PRKCZ: variants seen among roughly 807,000 people sequenced by gnomAD.
The protein encoded by PRKCZ is protein kinase C zeta type.
A neutral mutation model predicts 79.5 loss-of-function variants in PRKCZ; 33 were observed. The observed-to-expected ratio is 0.41, with a 90% CI of 0.31 to 0.55. PRKCZ has a LOEUF of 0.55. PRKCZ is among the 20% of genes least tolerant of loss of function. PRKCZ has a pLI of 0.19. For synonymous variants in PRKCZ, 342 were observed against 320.9 expected, an observed-to-expected ratio of 1.07 and a Z score of -0.70; for missense variants, 578 against 813.5, an observed-to-expected ratio of 0.71 and a Z score of 3.52.
In PRKCZ at chr1:2,135,318, C is replaced by T. The variant is rs1242409778; in HGVS notation, c.391C>T (p.His131Tyr). 1 of 1,613,254 alleles carries T rather than the reference C, an allele frequency of 6.2e-7. No homozygotes were observed. Among genetic ancestry groups the T allele is most frequent in the Non-Finnish European group, 8.5e-7 (1 of 1,179,776 alleles). ...GAGGAAGCTGTACCGTGCCAACGGC[C>T]ACCTCTTCCAAGCCAAGCGCTTTAA... ...RWRKLYRANG[H>Y]LFQAKRFNRR... Residue 131 changes from histidine to tyrosine, a missense_variant, in exon 5 of 18, where the codon CAC (histidine) becomes TAC (tyrosine). By Grantham distance (83) the His-to-Tyr change is moderately conservative. Coordinates refer to ENST00000378567, the MANE Select transcript of PRKCZ (RefSeq NM_002744.6).
At chr1:2,130,933 C>T (rs547586194) in intron 4 of PRKCZ, among the ~76,000 whole-genome samples, 1 of 151,990 alleles carries the variant, frequency 6.6e-6, no homozygotes, top group Non-Finnish European at 1.5e-5. Context: ...GCAGTACTCC[C>T]GCCTGACACA....
At chr1:2,134,419 T>C (rs1675735627) in intron 4 of PRKCZ, among the ~76,000 whole-genome samples, 1 of 152,214 alleles carries the variant, frequency 6.6e-6, no homozygotes, top group Admixed American at 6.5e-5. Flanking sequence ...AGCTTCCCAT[T>C]GTACGTTCCG....
chr1:2,124,623 G>T (rs2102923398), intron 4 of PRKCZ, among the ~76,000 whole-genome samples: 1 of 152,292 alleles, frequency 6.6e-6, no homozygotes, highest in South Asian at 2.1e-4. Flanking sequence ...GTCAATGCCT[G>T]TCACTTAAGC....
rs1044194106 is a variant in PRKCZ at position 2,148,931 on chromosome 1, G to T, written c.687+7G>T. On this transcript the variant is annotated splice_region_variant and intron_variant, in intron 8 of 17. Transcript: ENST00000378567. ...CATTAAAGACGACTCGGAGGTGAGT[G>T]TGTGGAGCAGCTCGCTGCCATTTCC... 2 of 1,613,424 alleles carry T rather than the reference G, an allele frequency of 1.2e-6. No homozygotes were observed. The highest frequency in any genetic ancestry group is 1.7e-6 in the Non-Finnish European group (2 of 1,179,500).
intron 5 of PRKCZ, among the ~76,000 whole-genome samples, chr1:2,138,226 C>T (rs1168731326): frequency 6.6e-6 from 1 of 152,186 alleles, no homozygotes; most frequent in Non-Finnish European, 1.5e-5. Context: ...CTTTTCCGTC[C>T]TCTTTGTTGG....
At chr1:2,106,193 C>A (rs181105341) in intron 4 of PRKCZ, among the ~76,000 whole-genome samples, 1 of 152,204 alleles carries the variant, frequency 6.6e-6, no homozygotes, top group Admixed American at 6.5e-5. Flanking sequence ...AGGACAGGGC[C>A]GGACCCAGAG....
At chr1:2,089,733 G>A (rs1665158367) in intron 4 of PRKCZ, among the ~76,000 whole-genome samples, 1 of 152,174 alleles carries the variant, frequency 6.6e-6, no homozygotes, top group Admixed American at 6.5e-5. Context: ...AGGTCACAGT[G>A]CTGGGGCCGC....
At chr1:2,138,295 C>T (rs1027387839) in intron 5 of PRKCZ, among the ~76,000 whole-genome samples, 1 of 152,202 alleles carries the variant, frequency 6.6e-6, no homozygotes, top group South Asian at 2.1e-4. Context: ...CCGCCCAGCT[C>T]TTTCTGTGCA....
At chr1:2,112,844 C>G (rs1339692055) in intron 4 of PRKCZ, among the ~76,000 whole-genome samples, 1 of 152,158 alleles carries the variant, frequency 6.6e-6, no homozygotes, top group East Asian at 1.9e-4. Context: ...AGCTCGCCAC[C>G]ATGTCTGGCT....
chr1:2,166,326 G>A (rs896299526), intron 10 of PRKCZ, among the ~76,000 whole-genome samples: 5 of 152,194 alleles, frequency 3.3e-5, no homozygotes, highest in Admixed American at 1.3e-4. Context: ...GGCTGAAGCC[G>A]GAGGATTGCC....
In PRKCZ at chr1:2,056,486, G is replaced by A; in HGVS notation, c.196G>A (p.Asp66Asn). The A allele has an allele frequency of 6.2e-7, 1 of 1,613,132 alleles. No individual in the cohort carries two copies. The highest frequency in any genetic ancestry group is 2.2e-5 in the East Asian group (1 of 44,852). Residue 66 changes from aspartate (D) to asparagine (N), a missense_variant and splice_region_variant, in exon 3 of 18, where the codon GAC becomes AAC. Coordinates refer to ENST00000378567, the MANE Select transcript of PRKCZ (RefSeq NM_002744.6). ...LTLKWVDSEGDPCTVSSQMEL... is the reference protein window; with the variant it reads ...LTLKWVDSEGNPCTVSSQMEL... ...GCACCGTCTCCTGCCCCACCCAGGT[G>A]ACCCTTGCACGGTGTCCTCCCAGAT...
chr1:2,072,156 G>T (rs917554316), intron 4 of PRKCZ, among the ~76,000 whole-genome samples: 20 of 152,356 alleles, frequency 1.3e-4, no homozygotes, highest in Non-Finnish European at 1.0e-4. Flanking sequence ...CCCTCATGCA[G>T]CTGGTCAGCC....
intron 4 of PRKCZ, among the ~76,000 whole-genome samples, chr1:2,080,529 C>T (rs1208784207): frequency 6.6e-6 from 1 of 152,188 alleles, no homozygotes; most frequent in African/African-American, 2.4e-5. Flanking sequence ...AGTTCTGTCA[C>T]CCCCTCGTTC....
intron 4 of PRKCZ, among the ~76,000 whole-genome samples, chr1:2,101,151 T>G (rs1025146934): frequency 2.0e-5 from 3 of 152,192 alleles, no homozygotes; most frequent in Non-Finnish European, 4.4e-5. Context: ...TCCCAACTCT[T>G]GATTTTAGTT....
chr1:2,165,800 C>T lies in PRKCZ; in HGVS notation c.975-3718C>T, dbSNP rs1449309915. On this transcript the variant is annotated intron_variant, in intron 10 of 17. Transcript: ENST00000378567. This position sits in a 1 kb window ranked among gnomAD's most constrained non-coding sequence, Gnocchi z 4.1. ...GAGGGCTGTGGTTCCTCCCTCTGAG[C>T]CGGGCACCTTGCATTCCTGGAAGGG... Among the ~76,000 whole-genome samples the T allele has an allele frequency of 6.6e-6, 1 of 152,174 alleles. No individual in the cohort carries two copies. Among genetic ancestry groups the T allele is most frequent in the Non-Finnish European group, 1.5e-5 (1 of 68,038 alleles).
intron 4 of PRKCZ, among the ~76,000 whole-genome samples, chr1:2,109,372 TG>T (rs1418132845): frequency 6.6e-6 from 1 of 152,192 alleles, no homozygotes; most frequent in African/African-American, 2.4e-5. Flanking sequence ...CCCTTGTCTC[TG>T]GGGGGTGACC....
intron 4 of PRKCZ, among the ~76,000 whole-genome samples, chr1:2,123,816 C>T (rs1313035264): frequency 1.5e-4 from 1 of 6,602 alleles, no homozygotes; most frequent in Admixed American, 2.1e-3. Flanking sequence ...GTTAGGGTCA[C>T]GGCGGTGGTT....
chr1:2,148,676 G>T (rs1373608845), intron 7 of PRKCZ, among the ~76,000 whole-genome samples, 196 bp from the exon 8 acceptor site: 1 of 152,240 alleles, frequency 6.6e-6, no homozygotes, highest in Non-Finnish European at 1.5e-5. Flanking sequence ...AGGTCCCATG[G>T]TCAGAGTCGG....
intron 16 of PRKCZ, among the ~76,000 whole-genome samples, chr1:2,181,548 G>T (rs1274399426): frequency 6.6e-6 from 1 of 152,220 alleles, no homozygotes; most frequent in Admixed American, 6.5e-5. Context: ...CATGGGTCCC[G>T]ACCTGGAGCC....
Sources: gnomAD v4.1 joint callset for allele counts (sites outside exome capture counted in the v4.1 genomes callset) on GRCh38, gnomAD v4.1.1 for gene constraint, Gnocchi (gnomAD v3.1) non-coding constraint, MANE v1.5 for transcripts, NCBI Gene and HGNC (gene_info 2026-07-23, HGNC 2026-07-21) for gene names.